DNAJC7: variants seen among roughly 807,000 people sequenced by gnomAD.
DNAJC7 encodes DnaJ heat shock protein family (Hsp40) member C7.
In DNAJC7, 18 loss-of-function variants were observed where a neutral mutation model predicts 67.4. The observed-to-expected ratio is 0.27, with a 90% confidence interval of 0.18 to 0.40. The LOEUF (loss-of-function observed/expected upper bound fraction) is 0.40. Among genes scored for constraint, DNAJC7 ranks in the 10% least tolerant of loss-of-function variants. The pLI, the probability that DNAJC7 is intolerant of heterozygous loss-of-function variation, is 1.00. For missense variants in DNAJC7, 419 were observed against 613.8 expected (o/e 0.68, Z 3.35); for synonymous variants, 220 against 207.8 (o/e 1.06, Z -0.50).
chr17:42,015,441 G>A (rs1406329805), intron 1 of DNAJC7: 1 of 152,074 alleles, frequency 6.6e-6, no homozygotes, highest in Non-Finnish European at 1.5e-5. Flanking sequence ...TATCCTCTAA[G>A]GCTGTGATTG....
At chr17:42,013,639 C>A (rs1298201411) in intron 1 of DNAJC7, 2 of 152,242 alleles carry the variant, frequency 1.3e-5, no homozygotes, top group African/African-American at 4.8e-5. Flanking sequence ...TAAGGGATGC[C>A]CCTATCACTG....
intron 1 of DNAJC7, among the ~76,000 whole-genome samples, chr17:42,007,327 G>A (rs1339569861): frequency 4.6e-5 from 7 of 151,676 alleles, no homozygotes; most frequent in Non-Finnish European, 8.8e-5. Context: ...AGAATTCACG[G>A]GATCTTGGCC....
rs955234342 is a variant in DNAJC7, at chr17:41,996,238, C to T, written c.405+73G>A. ...CAGAAGTGAGACTAGACCTCAGTTC[C>T]GACTTTCAAGTAGCCACTCCTCCCA... On this transcript the variant is annotated intron_variant, in intron 4 of 13. Coordinates refer to ENST00000457167, the MANE Select transcript of DNAJC7 (RefSeq NM_003315.4). The T allele has an allele frequency of 5.5e-5, 82 of 1,498,204 alleles. No individual in the cohort carries two copies. The highest frequency in any genetic ancestry group is 4.1e-4 in the South Asian group (35 of 85,984). 92.8% of individuals were successfully genotyped at this position (1,498,204 alleles called of 1,614,324 possible). A position where few individuals can be genotyped will look rare whatever the true frequency, so the allele number is the denominator to read the frequency against.
At chr17:42,003,972 T>TTTTC (rs1321978283) in intron 1 of DNAJC7, among the ~76,000 whole-genome samples, 2 of 149,754 alleles carry the variant, frequency 1.3e-5, no homozygotes, top group East Asian at 3.9e-4. Flanking sequence ...TTTTTTTTTT[T>TTTTC]TTAGATGGAG....
intron 1 of DNAJC7, among the ~76,000 whole-genome samples, chr17:42,002,732 G>A (rs186666468): frequency 9.4e-4 from 143 of 152,176 alleles, no homozygotes; most frequent in African/African-American, 3.3e-3. Context: ...GCTTGCCTCC[G>A]CTTACTGCTA....
At chr17:41,986,528 GC>G (rs1370057769) in intron 9 of DNAJC7, among the ~76,000 whole-genome samples, 1 of 135,090 alleles carries the variant, frequency 7.4e-6, no homozygotes, top group East Asian at 2.1e-4. Flanking sequence ...TTCTCCCCCC[GC>G]CTTTTTTTTT....
intron 10 of DNAJC7, 138 bp from the exon 11 acceptor site, chr17:41,982,539 G>GA (rs1567955013): frequency 1.8e-5 from 21 of 1,163,612 alleles, no homozygotes; most frequent in Middle Eastern, 2.2e-4. Flanking sequence ...CTGGAGATTA[G>GA]AAAAAAAATC....
At chr17:41,989,248 T>C (rs73309739) in intron 7 of DNAJC7, among the ~76,000 whole-genome samples, 156 bp downstream of exon 7, 4,251 of 152,318 alleles carry the variant, frequency 0.028, 79 homozygotes, top group South Asian at 0.089. Flanking sequence ...TAAATACAAG[T>C]AGTCCTGAAA....
chr17:41,986,114 C>T (rs2051371440), intron 9 of DNAJC7: 1 of 133,402 alleles, frequency 7.5e-6, no homozygotes, highest in Non-Finnish European at 1.5e-5. Context: ...GCTGGTAATT[C>T]CAGAACTTTG....
intron 12 of DNAJC7, among the ~76,000 whole-genome samples, chr17:41,978,555 A>G (rs1382257987): frequency 2.6e-5 from 4 of 152,142 alleles, no homozygotes; most frequent in Admixed American, 2.6e-4. Flanking sequence ...TCTGGTCCAC[A>G]GTGCCCCTAC....
At chr17:41,996,533 G>A (rs2051663539) in intron 3 of DNAJC7, 109 bp from the exon 4 acceptor site, 1 of 875,660 alleles carries the variant, frequency 1.1e-6, no homozygotes, top group Non-Finnish European at 1.7e-6. Context: ...CAGGCGCGGT[G>A]ACTCACACCT....
At chr17:41,977,970 C>T (rs537699573) in intron 12 of DNAJC7, among the ~76,000 whole-genome samples, 1 of 152,124 alleles carries the variant, frequency 6.6e-6, no homozygotes, top group South Asian at 2.1e-4. Context: ...AACAACAAAC[C>T]AACAAAAACA....
At chr17:41,988,673 C>G in intron 8 of DNAJC7, 59 bp downstream of exon 8, 9 of 1,517,230 alleles carry the variant, frequency 5.9e-6, no homozygotes, top group Non-Finnish European at 7.9e-6. Flanking sequence ...TTTCCCAAGA[C>G]CCTTTGATGT....
chr17:42,006,308 C>G (rs1403610600), intron 1 of DNAJC7, among the ~76,000 whole-genome samples: 1 of 151,896 alleles, frequency 6.6e-6, no homozygotes, highest in African/African-American at 2.4e-5. Flanking sequence ...CACACGCCAC[C>G]ACGCCTGGCC....
chr17:41,982,678 A>G (rs1181299284), intron 10 of DNAJC7, among the ~76,000 whole-genome samples: 1 of 152,214 alleles, frequency 6.6e-6, no homozygotes, highest in Non-Finnish European at 1.5e-5. Context: ...TTTCGGTAGC[A>G]CGAAAGAAAG....
chr17:41,997,153 C>T lies in DNAJC7; in HGVS notation c.253G>A (p.Ala85Thr). The stretch of plus-strand genomic sequence containing the variant: ...TCATCCAACCTCACTGACTGTTGTG[C>T]ATCTCCAAGAGCTTCCCGGAACCTT... ...LGRFREALGD[A>T]QQSVRLDDSF... Residue 85 changes from alanine (A) to threonine (T), a missense_variant, in exon 3 of 14, where the codon GCA (alanine) becomes ACA (threonine). Physicochemically the swap from Ala to Thr is moderately conservative, Grantham distance 58 (BLOSUM62 0). Transcript: ENST00000457167. The T allele has an allele frequency of 6.2e-7, 1 of 1,613,974 alleles. No homozygotes were observed. Among genetic ancestry groups the T allele is most frequent in the Non-Finnish European group, 8.5e-7 (1 of 1,179,862 alleles).
In DNAJC7 at chr17:41,987,909, A is replaced by C. The variant is rs571468210; in HGVS notation, c.920T>G (p.Leu307Arg). The C allele has an allele frequency of 6.2e-7, 1 of 1,608,862 alleles. No homozygotes were observed. The highest frequency in any genetic ancestry group is 1.3e-5 in the African/African-American group (1 of 74,996). The change falls in exon 9 of 14, where the codon CTT becomes CGT. Residue 307 changes from leucine (L) to arginine (R), a missense_variant and splice_region_variant. Physicochemically the swap from Leu to Arg is moderately radical, Grantham distance 102. Around this residue, in one of 4 missense-constraint regions of DNAJC7, gnomAD observed 161 missense variants for 252.2 expected, o/e 0.64. Transcript: ENST00000457167. Reference protein sequence around the residue: ...YCNRGTVNSKLRKLDDAIEDC... With the variant: ...YCNRGTVNSKRRKLDDAIEDC... ...TTCTATTGCATCATCTAGTTTCCTA[A>C]GCTTCAGGAGAGAGAGAGCAATCAT...
intron 1 of DNAJC7, among the ~76,000 whole-genome samples, chr17:42,006,730 G>A (rs1158168244): frequency 7.1e-6 from 1 of 140,990 alleles, no homozygotes; most frequent in Non-Finnish European, 1.5e-5. Flanking sequence ...CCAGGAGACG[G>A]TGGTTGTGAT....
intron 1 of DNAJC7, among the ~76,000 whole-genome samples, chr17:42,003,083 G>A (rs1234852127): frequency 6.6e-6 from 1 of 152,166 alleles, no homozygotes; most frequent in Non-Finnish European, 1.5e-5. Flanking sequence ...AAAAGAACAA[G>A]AAGAATTGTG....
Sources: gnomAD v4.1 joint callset for allele counts (sites outside exome capture counted in the v4.1 genomes callset) on GRCh38, gnomAD v4.1.1 for gene constraint, gnomAD v4.1.1 regional missense constraint, MANE v1.5 for transcripts, NCBI Gene and HGNC (gene_info 2026-07-23, HGNC 2026-07-21) for gene names.